MMP26: variants seen among roughly 807,000 people sequenced by gnomAD.
MMP26 encodes the protein matrix metallopeptidase 26.
A neutral mutation model predicts 31.0 loss-of-function variants in MMP26; 33 were observed. The ratio of observed to expected loss-of-function variants is 1.06; its 90% CI spans 0.81 to 1.42. The LOEUF (loss-of-function observed/expected upper bound fraction) is 1.42, where lower values mean the gene tolerates loss of function less well. Ranked by LOEUF, MMP26 falls within the 40% of genes most tolerant of loss-of-function variation. MMP26 has a pLI of 0.00. For synonymous variants in MMP26, 122 were observed against 114.9 expected (o/e 1.06, Z -0.40); for missense variants, 347 against 316.1 (o/e 1.10, Z -0.74).
intron 2 of MMP26, among the ~76,000 whole-genome samples, chr11:4,926,354 G>A (rs771867149): frequency 6.6e-6 from 1 of 152,180 alleles, no homozygotes; most frequent in Non-Finnish European, 1.5e-5. Context: ...TTTGCTGTGA[G>A]CAGTTTAGGC....
At chr11:4,789,282 C>T (rs1848988985) in intron 2 of MMP26, among the ~76,000 whole-genome samples, 1 of 152,020 alleles carries the variant, frequency 6.6e-6, no homozygotes, top group Non-Finnish European at 1.5e-5. Context: ...GTTTCTAAAG[C>T]CTCTTCTCTT....
chr11:4,928,057 G>C (rs1851297667), intron 2 of MMP26, among the ~76,000 whole-genome samples: 1 of 152,074 alleles, frequency 6.6e-6, no homozygotes, highest in East Asian at 1.9e-4. Context: ...AGAGGGTCGA[G>C]GGGGGAGAGA....
intron 2 of MMP26, among the ~76,000 whole-genome samples, chr11:4,939,512 G>A (rs1846179274): frequency 1.3e-5 from 2 of 152,142 alleles, no homozygotes; most frequent in South Asian, 4.1e-4. Context: ...TGTATAGGTT[G>A]TATTTTCCAT....
intron 2 of MMP26, among the ~76,000 whole-genome samples, chr11:4,831,058 A>C (rs1256716402): frequency 6.6e-6 from 1 of 152,180 alleles, no homozygotes; most frequent in Admixed American, 6.6e-5. Context: ...TATGAGGCAA[A>C]GGTCCTTAAA....
At chr11:4,990,001 C>A in intron 4 of MMP26, 133 bp downstream of exon 4, 1 of 671,844 alleles carries the variant, frequency 1.5e-6, no homozygotes, top group Non-Finnish European at 2.5e-6. Context: ...CAAAATCTCC[C>A]TCAGAGAAGG....
At chr11:4,922,441 T>A (rs10836949) in intron 2 of MMP26, among the ~76,000 whole-genome samples, 8,374 of 152,208 alleles carry the variant, frequency 0.055, 335 homozygotes, top group East Asian at 0.24. Context: ...TATGTGATAA[T>A]GTACAGAAAT....
chr11:4,804,010 T>C, intron 2 of MMP26: 1 of 1,613,806 alleles, frequency 6.2e-7, no homozygotes, highest in Non-Finnish European at 8.5e-7. Context: ...CACGTAGCAG[T>C]CCAGGGCCAT....
chr11:4,773,485 A>G (rs1207609436), intron 2 of MMP26, among the ~76,000 whole-genome samples: 1 of 152,164 alleles, frequency 6.6e-6, no homozygotes, highest in African/African-American at 2.4e-5. Flanking sequence ...GCTTGGAAGG[A>G]TAGCCTTCCA....
At chr11:4,799,902 C>T (rs745412503) in intron 2 of MMP26, among the ~76,000 whole-genome samples, 16 of 152,236 alleles carry the variant, frequency 1.1e-4, no homozygotes, top group Admixed American at 2.6e-4. Flanking sequence ...CCATGTCCTT[C>T]ATTTAGGGCA....
intron 1 of MMP26, among the ~76,000 whole-genome samples, chr11:4,706,150 G>T (rs376975133): frequency 3.3e-5 from 5 of 152,160 alleles, no homozygotes; most frequent in Non-Finnish European, 7.3e-5. Flanking sequence ...TGTTTGGCAC[G>T]TAGAAGGCAT....
chr11:4,887,390 T>C (rs1850558638), intron 2 of MMP26, among the ~76,000 whole-genome samples: 1 of 152,156 alleles, frequency 6.6e-6, no homozygotes, highest in Non-Finnish European at 1.5e-5. Context: ...GCCTACTGAC[T>C]CTTCTGATCC....
At chr11:4,982,201 T>G (rs1468874625) in intron 2 of MMP26, among the ~76,000 whole-genome samples, 1 of 152,092 alleles carries the variant, frequency 6.6e-6, no homozygotes, top group Non-Finnish European at 1.5e-5. Context: ...CAATAACAGT[T>G]GTTTATTATC....
At chr11:4,776,998 C>A (rs145498052) in intron 2 of MMP26, among the ~76,000 whole-genome samples, 1 of 151,976 alleles carries the variant, frequency 6.6e-6, no homozygotes, top group Non-Finnish European at 1.5e-5. Flanking sequence ...GTTGAATTAC[C>A]CTTGGACAAT....
At chr11:4,757,649 A>G (rs116589759) in intron 1 of MMP26, among the ~76,000 whole-genome samples, 1,852 of 152,146 alleles carry the variant, frequency 0.012, 36 homozygotes, top group African/African-American at 0.042. Context: ...TTGAATACAC[A>G]TATCACCAAA....
intron 2 of MMP26, among the ~76,000 whole-genome samples, chr11:4,768,384 A>G (rs1848658992): frequency 2.0e-5 from 3 of 152,244 alleles, no homozygotes. Flanking sequence ...AAACAGCTAG[A>G]GTATATTCTA....
intron 2 of MMP26, among the ~76,000 whole-genome samples, chr11:4,781,609 TGATTGC>T (rs1848864779): frequency 8.3e-6 from 1 of 121,056 alleles, no homozygotes; most frequent in African/African-American, 3.0e-5. Context: ...AAAAAAAAAC[TGATTGC>T]ATAATCAAGT....
intron 1 of MMP26, chr11:4,709,752 T>C (rs1353654987): frequency 2.2e-6 from 1 of 460,730 alleles, no homozygotes; most frequent in East Asian, 6.7e-5. Context: ...TGAACCCATG[T>C]ATCATTTTCT....
chr11:4,950,695 A>G (rs1450565208), intron 2 of MMP26, among the ~76,000 whole-genome samples: 1 of 122,666 alleles, frequency 8.2e-6, no homozygotes, highest in African/African-American at 2.7e-5. Flanking sequence ...AAATATTATT[A>G]TTATATATAT....
At chr11:4,750,298 G>A (rs1848431925) in intron 1 of MMP26, among the ~76,000 whole-genome samples, 1 of 151,988 alleles carries the variant, frequency 6.6e-6, no homozygotes, top group Non-Finnish European at 1.5e-5. Context: ...GTGGAGAAAA[G>A]AGAACATTTA....
Sources: allele counts gnomAD v4.1 joint callset (sites outside exome capture counted in the v4.1 genomes callset), GRCh38; gene constraint gnomAD v4.1.1; transcripts MANE v1.5; gene names NCBI Gene and HGNC (gene_info 2026-07-23, HGNC 2026-07-21).